The following CNTNAP2 variants were observed in gnomAD, a reference collection of about 807,000 sequenced individuals.
CNTNAP2 encodes the protein contactin-associated protein-like 2.
A neutral mutation model predicts 155.2 loss-of-function variants in CNTNAP2; 98 were observed. The observed-to-expected ratio is 0.63, with a 90% CI of 0.54 to 0.75. CNTNAP2 has a LOEUF of 0.75. Among genes scored for constraint, CNTNAP2 ranks in the 30% least tolerant of loss-of-function variants. CNTNAP2 has a pLI of 0.00. For synonymous variants in CNTNAP2, 651 were observed against 631.2 expected, an observed-to-expected ratio of 1.03 and a Z score of -0.47; for missense variants, 1,727 against 1,688.1, an observed-to-expected ratio of 1.02 and a Z score of -0.40.
chr7:147,703,584 A>G (rs569148201), intron 13 of CNTNAP2, among the ~76,000 whole-genome samples: 62 of 152,338 alleles, frequency 4.1e-4, no homozygotes, highest in African/African-American at 1.4e-3. Flanking sequence ...TTTTGGATAC[A>G]TAATAGCTGT....
At chr7:148,250,092 C>A (rs1796338093) in intron 20 of CNTNAP2, among the ~76,000 whole-genome samples, 1 of 152,254 alleles carries the variant, frequency 6.6e-6, no homozygotes, top group African/African-American at 2.4e-5. Flanking sequence ...GCTACTTGAG[C>A]CTCACTGGCT....
At chr7:148,217,900 G>A (rs182866912) in intron 19 of CNTNAP2, among the ~76,000 whole-genome samples, 34 of 152,358 alleles carry the variant, frequency 2.2e-4, no homozygotes, top group African/African-American at 7.7e-4. Context: ...CAAGGTGGGC[G>A]GATCACTTGA....
intron 8 of CNTNAP2, among the ~76,000 whole-genome samples, chr7:147,196,496 T>G (rs1181734166): frequency 6.6e-6 from 1 of 152,222 alleles, no homozygotes; most frequent in Non-Finnish European, 1.5e-5. Flanking sequence ...GATGAATTAG[T>G]ATGATATAAA....
intron 1 of CNTNAP2, among the ~76,000 whole-genome samples, chr7:146,622,441 G>T (rs1482971321): frequency 6.6e-6 from 1 of 151,728 alleles, no homozygotes; most frequent in Non-Finnish European, 1.5e-5. Flanking sequence ...TTGTGCAAGG[G>T]GATATATGTG....
intron 13 of CNTNAP2, 95 bp downstream of exon 13, chr7:147,639,401 G>A: frequency 1.7e-6 from 2 of 1,176,324 alleles, no homozygotes; most frequent in African/African-American, 3.0e-5. Flanking sequence ...TTATCTTATA[G>A]TCTAGTCTTC....
chr7:147,853,734 T>C (rs1460709435), intron 13 of CNTNAP2, among the ~76,000 whole-genome samples: 5 of 152,224 alleles, frequency 3.3e-5, no homozygotes, highest in African/African-American at 1.2e-4. Flanking sequence ...TGATGATCTA[T>C]AAATACTAAC....
At chr7:147,401,430 A>G (rs1398183039) in intron 10 of CNTNAP2, among the ~76,000 whole-genome samples, 1 of 152,194 alleles carries the variant, frequency 6.6e-6, no homozygotes, top group Non-Finnish European at 1.5e-5. Flanking sequence ...TATTTTCAAG[A>G]ATATCCAGTT....
At chr7:147,046,928 A>C (rs1799370825) in intron 4 of CNTNAP2, among the ~76,000 whole-genome samples, 1 of 147,984 alleles carries the variant, frequency 6.8e-6, no homozygotes, top group African/African-American at 2.5e-5. Flanking sequence ...GCTACTCAGG[A>C]GGCTGAAGCA....
chr7:147,756,725 A>T (rs944140029), intron 13 of CNTNAP2, among the ~76,000 whole-genome samples: 11 of 152,252 alleles, frequency 7.2e-5, no homozygotes, highest in African/African-American at 2.7e-4. Flanking sequence ...CCTCTAAGAC[A>T]TCAGTATTAT....
Position 148,415,307 on chromosome 7 carries a change from G to A in CNTNAP2, c.3797-110G>A, listed in dbSNP as rs1585362283. 3 of 1,132,670 alleles carry A rather than the reference G, an allele frequency of 2.6e-6. No homozygotes were observed. In the South Asian group the frequency reaches 3.9e-5, roughly 15 times the overall value. 70.2% of individuals were successfully genotyped at this position (1,132,670 alleles called of 1,614,324 possible). On this transcript the variant is annotated intron_variant, in intron 23 of 23. Transcript: ENST00000361727. ...TTATCTTTGTTGTTTTGGAGGTTGT[G>A]TTTTATATGGGAGAGGGCTGTGTCT...
chr7:146,161,590 A>C (rs939073805), intron 1 of CNTNAP2, among the ~76,000 whole-genome samples: 6 of 152,208 alleles, frequency 3.9e-5, no homozygotes, highest in African/African-American at 1.4e-4. Flanking sequence ...ATACTACCCA[A>C]GGTAATTTAT....
chr7:146,578,554 C>A (rs902465599), intron 1 of CNTNAP2, among the ~76,000 whole-genome samples: 6 of 152,140 alleles, frequency 3.9e-5, no homozygotes, highest in Admixed American at 3.9e-4. Flanking sequence ...TAAGAGGTTA[C>A]AGTACATTCA....
intron 4 of CNTNAP2, among the ~76,000 whole-genome samples, chr7:147,102,105 A>G (rs1800668795): frequency 6.6e-6 from 1 of 152,114 alleles, no homozygotes; most frequent in South Asian, 2.1e-4. Flanking sequence ...ATGATAGTAC[A>G]TATAAAAGTA....
At chr7:146,414,133 A>T (rs1795904719) in intron 1 of CNTNAP2, among the ~76,000 whole-genome samples, 1 of 152,202 alleles carries the variant, frequency 6.6e-6, no homozygotes, top group African/African-American at 2.4e-5. Context: ...CTATGTGTAT[A>T]TACACACGTT....
intron 1 of CNTNAP2, among the ~76,000 whole-genome samples, chr7:146,352,133 G>A (rs781144653): frequency 2.0e-5 from 3 of 151,940 alleles, no homozygotes; most frequent in African/African-American, 4.8e-5. Context: ...TTTTTATATC[G>A]CATTAAGAGG....
chr7:147,853,733 AT>A (rs1328665103), intron 13 of CNTNAP2, among the ~76,000 whole-genome samples: 1 of 152,204 alleles, frequency 6.6e-6, no homozygotes, highest in Non-Finnish European at 1.5e-5. Flanking sequence ...TTGATGATCT[AT>A]AAATACTAAC....
At chr7:146,857,062 A>G (rs1228247541) in intron 3 of CNTNAP2, among the ~76,000 whole-genome samples, 2 of 152,170 alleles carry the variant, frequency 1.3e-5, no homozygotes, top group Non-Finnish European at 2.9e-5. Context: ...AATTTCCTGA[A>G]ATTGATAACT....
chr7:146,759,227 T>G (rs954190724), intron 1 of CNTNAP2, among the ~76,000 whole-genome samples: 1 of 152,134 alleles, frequency 6.6e-6, no homozygotes, highest in Non-Finnish European at 1.5e-5. Context: ...ACGTTTAGAT[T>G]ACCCCCAGAT....
intron 1 of CNTNAP2, among the ~76,000 whole-genome samples, chr7:146,305,265 T>C (rs979122829): frequency 6.6e-6 from 1 of 152,146 alleles, no homozygotes; most frequent in African/African-American, 2.4e-5. Flanking sequence ...GTCTGAAGCC[T>C]TCTTCTCTCA....
Sources: gnomAD v4.1 joint callset for allele counts (sites outside exome capture counted in the v4.1 genomes callset) on GRCh38, gnomAD v4.1.1 for gene constraint, MANE v1.5 for transcripts, NCBI Gene and HGNC (gene_info 2026-07-23, HGNC 2026-07-21) for gene names.